The following MSI2 variants were observed in gnomAD, a reference collection of about 807,000 sequenced individuals.
The protein encoded by MSI2 is musashi RNA binding protein 2.
A neutral mutation model predicts 45.6 loss-of-function variants in MSI2; 17 were observed. The ratio of observed to expected loss-of-function variants is 0.37; its 90% CI spans 0.26 to 0.56. The LOEUF (loss-of-function observed/expected upper bound fraction) is 0.56. Among genes scored for constraint, MSI2 ranks in the 20% least tolerant of loss-of-function variants. MSI2 has a pLI of 0.77. For missense variants in MSI2, 293 were observed against 444.2 expected (o/e 0.66, Z 3.06); for synonymous variants, 156 against 158.2 (o/e 0.99, Z 0.11).
intron 9 of MSI2, chr17:57,625,753 T>A (rs1908734166): frequency 6.6e-6 from 1 of 152,134 alleles, no homozygotes; most frequent in South Asian, 2.1e-4. Flanking sequence ...CAAAGGAGAT[T>A]ATTAGAAGGA....
chr17:57,677,819 T>G (rs1913340046), intron 13 of MSI2, among the ~76,000 whole-genome samples: 1 of 152,122 alleles, frequency 6.6e-6, no homozygotes, highest in African/African-American at 2.4e-5. Context: ...GTTGGGGCAG[T>G]GAGGAAGCCC....
intron 7 of MSI2, among the ~76,000 whole-genome samples, chr17:57,586,883 AAG>A (rs1285682434): frequency 2.0e-5 from 3 of 152,066 alleles, no homozygotes; most frequent in African/African-American, 7.2e-5. Context: ...CACTTCATGT[AAG>A]AGAGTTCCTC....
chr17:57,673,092 G>C (rs191978020), intron 11 of MSI2, among the ~76,000 whole-genome samples: 3 of 152,328 alleles, frequency 2.0e-5, no homozygotes, highest in African/African-American at 7.2e-5. Flanking sequence ...GCATCTGGAG[G>C]CTTCAGTTCT....
chr17:57,526,356 G>GGTGTGTGTGTGTGTGTGTGTGT (rs71143203), intron 6 of MSI2, among the ~76,000 whole-genome samples: 3 of 122,562 alleles, frequency 2.4e-5, no homozygotes, highest in African/African-American at 9.6e-5. Context: ...GATATACCTG[G>GGTGTGTGTGTGTGTGTGTGTGT]GTGTGTGTGT....
At chr17:57,472,261 G>A (rs958695264) in intron 6 of MSI2, among the ~76,000 whole-genome samples, 2 of 152,220 alleles carry the variant, frequency 1.3e-5, no homozygotes, top group Non-Finnish European at 2.9e-5. Context: ...GCTGGTTCAT[G>A]GACTGCCTGG....
At chr17:57,607,798 G>A (rs9906862) in intron 8 of MSI2, among the ~76,000 whole-genome samples, 2,481 of 152,324 alleles carry the variant, frequency 0.016, 70 homozygotes, top group African/African-American at 0.056. Flanking sequence ...TTTACTCACG[G>A]AGGAAGGCAA....
intron 5 of MSI2, among the ~76,000 whole-genome samples, chr17:57,295,063 G>T (rs1447548148): frequency 6.6e-6 from 1 of 152,190 alleles, no homozygotes; most frequent in African/African-American, 2.4e-5. Context: ...GTGGCATTTG[G>T]CTTGGGCCTT....
At chr17:57,452,509 G>A (rs1262677937) in intron 6 of MSI2, among the ~76,000 whole-genome samples, 1 of 152,248 alleles carries the variant, frequency 6.6e-6, no homozygotes, top group Non-Finnish European at 1.5e-5. Flanking sequence ...GTGAGGGGCA[G>A]CCGAACTGTT....
intron 5 of MSI2, among the ~76,000 whole-genome samples, chr17:57,314,519 A>G (rs1386496781): frequency 1.3e-5 from 2 of 150,852 alleles, no homozygotes; most frequent in Non-Finnish European, 2.9e-5. Context: ...AAGGGAAAAT[A>G]TAGGGTGAGA....
At chr17:57,321,361 T>G (rs1474465142) in intron 5 of MSI2, among the ~76,000 whole-genome samples, 1 of 152,012 alleles carries the variant, frequency 6.6e-6, no homozygotes, top group Non-Finnish European at 1.5e-5. Context: ...CATGGCAAGG[T>G]GACTCAGAAC....
intron 6 of MSI2, among the ~76,000 whole-genome samples, chr17:57,528,825 A>C (rs566465215): frequency 6.6e-6 from 1 of 152,314 alleles, no homozygotes; most frequent in South Asian, 2.1e-4. Flanking sequence ...ATACGGTCAC[A>C]TTTTGAGGTC....
rs936047473 is a variant in MSI2 at position 57,627,149 on chromosome 17, T to C, written c.653-80T>C. 3 of 1,264,144 alleles carry C rather than the reference T, an allele frequency of 2.4e-6. No individual in the cohort carries two copies. The highest frequency in any genetic ancestry group is 1.5e-5 in the African/African-American group (1 of 67,968). 78.3% of individuals were successfully genotyped at this position (1,264,144 alleles called of 1,614,324 possible). On this transcript the variant is annotated intron_variant, in intron 9 of 13. Transcript: ENST00000284073. This position sits in a 1 kb window ranked among gnomAD's most constrained non-coding sequence, Gnocchi z 4.6. ...AGGAAAATAACTCAGGCTTTCCTCA[T>C]TGCCACCCTCCGTGAGATTTTACCC...
intron 5 of MSI2, among the ~76,000 whole-genome samples, chr17:57,355,456 C>T (rs758645655): frequency 6.6e-6 from 1 of 152,214 alleles, no homozygotes; most frequent in African/African-American, 2.4e-5. Context: ...AGTGTATGTC[C>T]AGCTTTGGTC....
intron 12 of MSI2, 89 bp downstream of exon 12, chr17:57,675,215 G>C (rs768140395): frequency 7.6e-7 from 1 of 1,318,042 alleles, no homozygotes; most frequent in Non-Finnish European, 1.1e-6. Context: ...GCCCAACATC[G>C]GGGGCAGAGG....
At chr17:57,664,580 T>A (rs1912233863) in intron 11 of MSI2, among the ~76,000 whole-genome samples, 1 of 151,660 alleles carries the variant, frequency 6.6e-6, no homozygotes, top group Non-Finnish European at 1.5e-5. Flanking sequence ...AGCCAAGAGG[T>A]TCCAGGTGAT....
rs370668414 is a variant in MSI2, at chr17:57,410,559, G to C, written c.405+9088G>C. On this transcript the variant is annotated intron_variant, in intron 6 of 13. Coordinates refer to ENST00000284073, the MANE Select transcript of MSI2 (RefSeq NM_138962.4). Reference sequence around the variant, plus strand: ...CAATGTAGCGAAAAGTGAGCTTCTTGTAGTTAAAGAGCAAAATAAGGATTT... The same window carrying C: ...CAATGTAGCGAAAAGTGAGCTTCTTCTAGTTAAAGAGCAAAATAAGGATTT... Among the ~76,000 whole-genome samples the C allele has an allele frequency of 2.0e-5, 3 of 150,444 alleles. No individual in the cohort carries two copies. The East Asian group carries it at 5.9e-4, about 30-fold the overall frequency.
intron 6 of MSI2, among the ~76,000 whole-genome samples, chr17:57,462,699 C>T (rs1447780367): frequency 6.6e-6 from 1 of 152,172 alleles, no homozygotes; most frequent in Non-Finnish European, 1.5e-5. Context: ...AAAGGCAATC[C>T]ATTTAGGTGA....
chr17:57,621,092 C>G (rs1038295855), intron 9 of MSI2, among the ~76,000 whole-genome samples: 1 of 152,222 alleles, frequency 6.6e-6, no homozygotes, highest in African/African-American at 2.4e-5. Context: ...AAGACTGTTT[C>G]TCTTTCTTCT....
chr17:57,630,550 A>G (rs1286647739), intron 10 of MSI2: 3 of 152,162 alleles, frequency 2.0e-5, no homozygotes, highest in South Asian at 2.1e-4. Context: ...GGGTGGCCCC[A>G]TGGCTGGGGC....
Sources: allele counts gnomAD v4.1 joint callset (sites outside exome capture counted in the v4.1 genomes callset), GRCh38; gene constraint gnomAD v4.1.1; non-coding constraint Gnocchi (gnomAD v3.1); transcripts MANE v1.5; gene names NCBI Gene and HGNC (gene_info 2026-07-23, HGNC 2026-07-21).